The following PEBP4 variants were observed in gnomAD, a reference collection of about 807,000 sequenced individuals.
The protein encoded by PEBP4 is phosphatidylethanolamine-binding protein 4.
Under a neutral mutation model 23.9 loss-of-function variants are expected in PEBP4, and 22 were observed. The ratio of observed to expected loss-of-function variants is 0.92; its 90% confidence interval spans 0.66 to 1.31. PEBP4 has a LOEUF of 1.31. PEBP4 is among the 40% of genes most tolerant of loss of function. The pLI is 0.00. For synonymous variants in PEBP4, 112 were observed against 99.3 expected, an observed-to-expected ratio of 1.13 and a Z score of -0.76; for missense variants, 324 against 281.7, an observed-to-expected ratio of 1.15 and a Z score of -1.07.
At chr8:22,760,180 C>T (rs1805478207) in intron 4 of PEBP4, among the ~76,000 whole-genome samples, 1 of 152,194 alleles carries the variant, frequency 6.6e-6, no homozygotes, top group Non-Finnish European at 1.5e-5. Context: ...GGTGGATATT[C>T]TTACCCCCAT....
chr8:22,938,381 G>A (rs983672250), intron 1 of PEBP4, among the ~76,000 whole-genome samples: 2 of 152,110 alleles, frequency 1.3e-5, no homozygotes, highest in African/African-American at 4.8e-5. Context: ...GCTTACTTTT[G>A]CTCACCTTCA....
intron 4 of PEBP4, among the ~76,000 whole-genome samples, chr8:22,769,019 T>TG (rs1805664150): frequency 6.6e-6 from 1 of 152,140 alleles, no homozygotes; most frequent in Non-Finnish European, 1.5e-5. Flanking sequence ...ATTTGGGAAG[T>TG]GGGGGTCTGC....
chr8:22,940,207 A>G (rs6986719), intron 1 of PEBP4, among the ~76,000 whole-genome samples: 18,496 of 152,164 alleles, frequency 0.12, 1,297 homozygotes, highest in Non-Finnish European at 0.16. Flanking sequence ...CCTTCTTCCT[A>G]TATCATGGAA....
intron 3 of PEBP4, among the ~76,000 whole-genome samples, chr8:22,898,256 G>A (rs1808629945): frequency 6.6e-6 from 1 of 151,744 alleles, no homozygotes; most frequent in African/African-American, 2.4e-5. Flanking sequence ...GCCAGGTGTG[G>A]TGGTGGGTGC....
intron 6 of PEBP4, among the ~76,000 whole-genome samples, chr8:22,722,369 C>T (rs150113492): frequency 2.0e-4 from 30 of 152,270 alleles, no homozygotes; most frequent in African/African-American, 4.8e-4. Context: ...TGAGGCCCAG[C>T]GAGGTTCATT....
At chr8:22,761,312 C>T (rs961064516) in intron 4 of PEBP4, among the ~76,000 whole-genome samples, 3 of 152,064 alleles carry the variant, frequency 2.0e-5, no homozygotes, top group African/African-American at 7.2e-5. Flanking sequence ...CAGGGGCGCC[C>T]CTTGATGCCA....
chr8:22,841,713 T>G (rs1403629069), intron 3 of PEBP4, among the ~76,000 whole-genome samples: 3 of 152,238 alleles, frequency 2.0e-5, no homozygotes, highest in African/African-American at 4.8e-5. Flanking sequence ...GAATGAACCC[T>G]GCATGTAGTT....
intron 4 of PEBP4, among the ~76,000 whole-genome samples, chr8:22,773,672 C>G (rs1805760208): frequency 6.6e-6 from 1 of 152,190 alleles, no homozygotes; most frequent in Admixed American, 6.5e-5. Flanking sequence ...GCCAGAAGGA[C>G]CTGTGGGATG....
At chr8:22,878,445 T>C (rs1311290126) in intron 3 of PEBP4, among the ~76,000 whole-genome samples, 1 of 152,204 alleles carries the variant, frequency 6.6e-6, no homozygotes, top group African/African-American at 2.4e-5. Flanking sequence ...GGCAGTGGCC[T>C]TGGGTTTCCA....
At chr8:22,777,240 A>C (rs957328053) in intron 4 of PEBP4, among the ~76,000 whole-genome samples, 2 of 149,924 alleles carry the variant, frequency 1.3e-5, no homozygotes, top group Middle Eastern at 3.2e-3. Flanking sequence ...CCCCTCCTCT[A>C]CTCCTCCACT....
intron 4 of PEBP4, among the ~76,000 whole-genome samples, chr8:22,792,362 C>G (rs988595165): frequency 4.6e-5 from 7 of 152,118 alleles, no homozygotes; most frequent in Non-Finnish European, 1.0e-4. Context: ...CCATAGAACA[C>G]TTCCCGGTGC....
intron 1 of PEBP4, among the ~76,000 whole-genome samples, chr8:22,941,042 G>A (rs1160011005): frequency 6.6e-6 from 1 of 152,132 alleles, no homozygotes; most frequent in Non-Finnish European, 1.5e-5. Flanking sequence ...ATCAGAGCCA[G>A]CGGATGTTGA....
At chr8:22,869,200 C>T (rs1807961336) in intron 3 of PEBP4, among the ~76,000 whole-genome samples, 1 of 152,220 alleles carries the variant, frequency 6.6e-6, no homozygotes, top group Non-Finnish European at 1.5e-5. Flanking sequence ...GTCCACTCTG[C>T]CATCCTATTT....
intron 1 of PEBP4, among the ~76,000 whole-genome samples, chr8:22,935,732 T>G (rs905027192): frequency 6.6e-5 from 10 of 152,184 alleles, no homozygotes; most frequent in Non-Finnish European, 1.5e-4. Context: ...ATAAGGTATA[T>G]ATAAACATAA....
chr8:22,898,392 A>AC (rs1354571353), intron 3 of PEBP4, among the ~76,000 whole-genome samples: 1 of 4,512 alleles, frequency 2.2e-4, no homozygotes, highest in Non-Finnish European at 1.0e-3. Flanking sequence ...ACTCCACCCC[A>AC]AAAAAAAAAA....
At chr8:22,718,952 TG>T (rs151210808) in intron 6 of PEBP4, among the ~76,000 whole-genome samples, 3,493 of 152,268 alleles carry the variant, frequency 0.023, 61 homozygotes, top group African/African-American at 0.049. Flanking sequence ...TGAAGCTGCG[TG>T]GGGCTCTGCT....
chr8:22,930,434 C>T (rs1441844371), upstream of PEBP4, among the ~76,000 whole-genome samples: 1 of 152,038 alleles, frequency 6.6e-6, no homozygotes, highest in Non-Finnish European at 1.5e-5. Flanking sequence ...ATCTCCTCAT[C>T]CCCCCAGCCT....
chr8:22,804,330 C>G (rs1244070559), intron 4 of PEBP4, among the ~76,000 whole-genome samples: 1 of 152,086 alleles, frequency 6.6e-6, no homozygotes, highest in Non-Finnish European at 1.5e-5. Context: ...GACCCTGTCT[C>G]CTGAAAACAA....
At chr8:22,915,583 T>C (rs1809056054) in intron 3 of PEBP4, among the ~76,000 whole-genome samples, 1 of 152,236 alleles carries the variant, frequency 6.6e-6, no homozygotes, top group Admixed American at 6.5e-5. Context: ...TGGTGCCTGA[T>C]GCAATGTGTT....
Sources: gnomAD v4.1 joint callset for allele counts (sites outside exome capture counted in the v4.1 genomes callset) on GRCh38, gnomAD v4.1.1 for gene constraint, MANE v1.5 for transcripts, NCBI Gene and HGNC (gene_info 2026-07-23, HGNC 2026-07-21) for gene names.